Variants in OPCML observed in about 807,000 individuals in gnomAD.
OPCML encodes opioid-binding protein/cell adhesion molecule.
Under a neutral mutation model 37.8 loss-of-function variants are expected in OPCML, and 13 were observed. The ratio of observed to expected loss-of-function variants is 0.34; its 90% CI spans 0.22 to 0.55. OPCML has a LOEUF of 0.55. Ranked by LOEUF, OPCML falls within the 20% of genes least tolerant of loss-of-function variation. OPCML has a pLI of 0.91. For synonymous variants in OPCML, 176 were observed against 168.8 expected, an observed-to-expected ratio of 1.04 and a Z score of -0.33; for missense variants, 341 against 435.6, an observed-to-expected ratio of 0.78 and a Z score of 1.93.
At position 132,715,979 on chromosome 11, in the gene OPCML, G is replaced by C. The variant is rs567747000; in HGVS notation, c.147-58660C>G. ...GATCTGACTTTCCAAACAAATTTATGTTTCTTAGAAAAAAAATTCGGTGCC... is the reference window on the plus strand; with the variant it reads ...GATCTGACTTTCCAAACAAATTTATCTTTCTTAGAAAAAAAATTCGGTGCC... On this transcript the variant is annotated intron_variant, in intron 2 of 7. Transcript: ENST00000524381. 1.6e-4 allele frequency among the ~76,000 whole-genome samples: 25 copies of C among 152,224 alleles called. 1 individual carries two copies. In the South Asian group the frequency reaches 5.2e-3, roughly 32 times the overall value.
At chr11:133,420,240 C>G in intron 1 of OPCML, 1 of 985,070 alleles carries the variant, frequency 1.0e-6, no homozygotes. Context: ...TTTACCAGCA[C>G]AATGCTGCAA....
chr11:133,149,633 T>C (rs556829998), intron 1 of OPCML, among the ~76,000 whole-genome samples: 45 of 152,336 alleles, frequency 3.0e-4, no homozygotes, highest in African/African-American at 1.0e-3. Flanking sequence ...TTTGACTTGA[T>C]AATCGGCTGT....
rs76192282 is a variant in OPCML, at chr11:132,541,004, A to T, written c.380-11818T>A. On this transcript the variant is annotated intron_variant, in intron 3 of 7. Transcript: ENST00000524381. ...GGAGAGTTCTTCTGGCCACACACAC[A>T]CTTAGGATCACAGGGTTTAATTTAC... 3.5e-4 allele frequency among the ~76,000 whole-genome samples: 54 copies of T among 152,118 alleles called. No individual in the cohort carries two copies. The East Asian group carries it at 7.4e-3, about 21-fold the overall frequency.
At chr11:132,439,315 C>T (rs1427131542) in intron 4 of OPCML, among the ~76,000 whole-genome samples, 8 of 152,164 alleles carry the variant, frequency 5.3e-5, no homozygotes, top group Non-Finnish European at 8.8e-5. Context: ...TGATGCTGCT[C>T]ACCCCCGATG....
chr11:132,428,238 C>T (rs767481776), intron 7 of OPCML, among the ~76,000 whole-genome samples: 1 of 152,176 alleles, frequency 6.6e-6, no homozygotes, highest in Non-Finnish European at 1.5e-5. Context: ...AGTCATTTGG[C>T]TTCCCTGAGG....
At chr11:132,864,018 A>T (rs570213634) in intron 2 of OPCML, among the ~76,000 whole-genome samples, 321 of 152,238 alleles carry the variant, frequency 2.1e-3, no homozygotes, top group African/African-American at 7.4e-3. Context: ...GCTGACTGCA[A>T]CCGCCGCCTC....
chr11:132,920,542 G>A (rs1944756060), intron 2 of OPCML, among the ~76,000 whole-genome samples: 1 of 152,190 alleles, frequency 6.6e-6, no homozygotes, highest in African/African-American at 2.4e-5. Context: ...GGGTCTCTCT[G>A]GGCCCAGCCC....
At chr11:132,847,931 G>A (rs1369482362) in intron 2 of OPCML, among the ~76,000 whole-genome samples, 1 of 152,116 alleles carries the variant, frequency 6.6e-6, no homozygotes, top group Non-Finnish European at 1.5e-5. Context: ...AGAAGTCCGG[G>A]CTGTCACTCA....
Position 132,420,101 on chromosome 11 carries a change from AAAG to A in OPCML, c.*89_*91del. The A allele has an allele frequency of 2.0e-6, 2 of 1,011,630 alleles. No individual in the cohort carries two copies. The highest frequency in any genetic ancestry group is 2.9e-6 in the Non-Finnish European group (2 of 690,072). The allele number at this position is 1,011,630 out of a possible 1,614,324, so 62.7% of individuals were successfully genotyped here. A position where few individuals can be genotyped will look rare whatever the true frequency, so the allele number is the denominator to read the frequency against. ...AATCTAGAATAACAGAAAAAAACAA[AAAG>A]AAGCCCAAGCTGGTTTGCTCTCCGC... On this transcript the variant is annotated 3_prime_UTR_variant, in exon 8 of 8. Transcript: ENST00000524381.
intron 1 of OPCML, among the ~76,000 whole-genome samples, chr11:133,363,045 A>G (rs961526689): frequency 6.6e-5 from 10 of 152,204 alleles, no homozygotes; most frequent in Admixed American, 6.5e-4. Flanking sequence ...GAGGCCAGCC[A>G]GGCATGACAA....
intron 1 of OPCML, among the ~76,000 whole-genome samples, chr11:133,053,286 G>A (rs561351793): frequency 1.2e-4 from 18 of 152,278 alleles, no homozygotes; most frequent in African/African-American, 3.4e-4. Context: ...AGCCCTCAAC[G>A]CATGGCGTGC....
rs1949631431 is a variant in OPCML at position 133,133,141 on chromosome 11, C to T, written c.62-190131G>A. 2.6e-5 allele frequency among the ~76,000 whole-genome samples: 4 copies of T among 152,226 alleles called. No individual in the cohort carries two copies. In the South Asian group the frequency reaches 8.3e-4, roughly 32 times the overall value. On this transcript the variant is annotated intron_variant, in intron 1 of 7. Transcript: ENST00000524381. ...TGTTAGGACTCAGAAGGCATGGCCTCCAAATGTTGCCTAATGATAATCAGG... is the reference window on the plus strand; with the variant it reads ...TGTTAGGACTCAGAAGGCATGGCCTTCAAATGTTGCCTAATGATAATCAGG...
At chr11:132,593,666 C>T (rs974174202) in intron 3 of OPCML, among the ~76,000 whole-genome samples, 3 of 152,092 alleles carry the variant, frequency 2.0e-5, no homozygotes, top group African/African-American at 7.2e-5. Flanking sequence ...GGAGAGAATT[C>T]TCTGAGATGA....
In OPCML at chr11:133,343,026, G is replaced by A. The variant is rs143219879; in HGVS notation, c.61+189238C>T. ...ACATTTTTTAAATTTTTATAGAGAT[G>A]GAGTTTCACCCAGGCTGGCCTTGAC... On this transcript the variant is annotated intron_variant, in intron 1 of 7. Coordinates refer to ENST00000524381, the MANE Select transcript of OPCML (RefSeq NM_001012393.5). Among the ~76,000 whole-genome samples the A allele has an allele frequency of 3.6e-3, 552 of 152,268 alleles. 2 individuals are homozygous for A. The highest frequency in any genetic ancestry group is 0.012 in the African/African-American group (516 of 41,554).
intron 2 of OPCML, among the ~76,000 whole-genome samples, chr11:132,663,293 G>C (rs576644050): frequency 1.3e-5 from 2 of 152,290 alleles, no homozygotes; most frequent in South Asian, 4.1e-4. Flanking sequence ...GTAAGACAAT[G>C]TTTTTCAAAT....
chr11:133,365,156 G>A (rs1944512108), intron 1 of OPCML, among the ~76,000 whole-genome samples: 1 of 152,084 alleles, frequency 6.6e-6, no homozygotes, highest in South Asian at 2.1e-4. Context: ...AGTCAGCAGA[G>A]TTACACAGGC....
chr11:132,455,258 G>A (rs1411793887), intron 4 of OPCML, among the ~76,000 whole-genome samples: 1 of 152,138 alleles, frequency 6.6e-6, no homozygotes, highest in Non-Finnish European at 1.5e-5. Context: ...CACCCATCTG[G>A]TGGGCGCCTC....
chr11:132,575,540 C>G (rs1424367048), intron 3 of OPCML, among the ~76,000 whole-genome samples: 1 of 151,982 alleles, frequency 6.6e-6, no homozygotes, highest in Non-Finnish European at 1.5e-5. Context: ...CTTCTCCCCC[C>G]ACACTTTGTT....
Position 132,436,758 on chromosome 11 carries a change from G to A in OPCML, c.665C>T (p.Ala222Val), listed in dbSNP as rs771832798. ...ACCGACTGAAACACCAGTGTTCTTG[G>A]CTTTTGAGATATAGGGAGGATCTGT... ...TVNYPPYISK[A>V]KNTGVSVGQK... The change falls in exon 6 of 8, where the codon GCC (alanine) becomes GTC (valine). Residue 222 changes from alanine to valine, a missense_variant. By Grantham distance (64) the Ala-to-Val change is moderately conservative. Transcript: ENST00000524381. The A allele has an allele frequency of 7.2e-5, 116 of 1,613,936 alleles. No homozygotes were observed. The highest frequency in any genetic ancestry group is 9.6e-5 in the Non-Finnish European group (113 of 1,180,024).
Sources: gnomAD v4.1 joint callset for allele counts (sites outside exome capture counted in the v4.1 genomes callset) on GRCh38, gnomAD v4.1.1 for gene constraint, MANE v1.5 for transcripts, NCBI Gene and HGNC (gene_info 2026-07-23, HGNC 2026-07-21) for gene names.